The following KMT2C variants were observed in gnomAD, a reference collection of about 807,000 sequenced individuals.
The protein encoded by KMT2C is histone-lysine N-methyltransferase 2C.
Under a neutral mutation model 507.9 loss-of-function variants are expected in KMT2C, and 88 were observed. That is an observed-to-expected ratio of 0.17 (90% CI 0.15 to 0.21). The LOEUF is 0.21. Ranked by LOEUF, KMT2C falls within the 10% of genes least tolerant of loss-of-function variation. The probability of loss-of-function intolerance (pLI) is 1.00; values close to 1 mark genes in which losing one functional copy is unlikely to be tolerated. For missense variants in KMT2C, 4,954 were observed against 5,957.8 expected (o/e 0.83, Z 5.55); for synonymous variants, 2,049 against 2,080.8 (o/e 0.98, Z 0.42).
At chr7:152,235,605 G>C (rs1219397650) in intron 16 of KMT2C, among the ~76,000 whole-genome samples, 21 of 99,178 alleles carry the variant, frequency 2.1e-4, no homozygotes, top group Non-Finnish European at 9.4e-5. Context: ...GAAAGATAAG[G>C]AGTCAAAGAG....
intron 25 of KMT2C, among the ~76,000 whole-genome samples, chr7:152,204,855 T>C (rs1380543409): frequency 6.6e-6 from 1 of 151,970 alleles, no homozygotes; most frequent in Non-Finnish European, 1.5e-5. Flanking sequence ...TCAAAAAATC[T>C]CAAAAGAATA....
chr7:152,143,091 G>C (rs567544071), intron 55 of KMT2C, among the ~76,000 whole-genome samples: 1 of 152,186 alleles, frequency 6.6e-6, no homozygotes, highest in South Asian at 2.1e-4. Context: ...AACACGAATG[G>C]GTATAAGAGT....
intron 6 of KMT2C, among the ~76,000 whole-genome samples, chr7:152,306,170 G>A (rs1986375): frequency 0.03 from 4,496 of 152,108 alleles, 225 homozygotes; most frequent in African/African-American, 0.1. Flanking sequence ...AGTTACTTAG[G>A]TGAGTTCTTT....
intron 18 of KMT2C, among the ~76,000 whole-genome samples, chr7:152,228,055 G>T (rs1588399104): frequency 6.6e-6 from 1 of 152,278 alleles, no homozygotes; most frequent in East Asian, 1.9e-4. Context: ...GATTTAATTT[G>T]CCTTTTTTCA....
intron 44 of KMT2C, among the ~76,000 whole-genome samples, chr7:152,156,599 AAG>A (rs1248387728): frequency 3.3e-5 from 5 of 152,220 alleles, no homozygotes; most frequent in African/African-American, 1.2e-4. Flanking sequence ...TGAAATTAAG[AAG>A]CTAATTTCCT....
At position 152,181,566 on chromosome 7, in the gene KMT2C, G is replaced by T; in HGVS notation, c.6294C>A (p.Pro2098=). The T allele has an allele frequency of 6.2e-7, 1 of 1,614,016 alleles. No homozygotes were observed. The highest frequency in any genetic ancestry group is 8.5e-7 in the Non-Finnish European group (1 of 1,180,002). ...CATTCACTGCTGGATGTGGGGTAAG[G>T]GGAGGCTGACTATATGGATCATTTG... The part of the protein sequence containing the change: ...NQSNDPYSQP[P]LTPHPAVNES... Residue 2098 remains proline (P), a synonymous_variant, in exon 36 of 59, where the codon CCC becomes CCA. Coordinates refer to ENST00000262189, the MANE Select transcript of KMT2C (RefSeq NM_170606.3).
At chr7:152,169,568 TA>T (rs552660707) in intron 40 of KMT2C, among the ~76,000 whole-genome samples, 1 of 152,326 alleles carries the variant, frequency 6.6e-6, no homozygotes, top group African/African-American at 2.4e-5. Flanking sequence ...GAGATCTATA[TA>T]AAAAATCTCA....
At chr7:152,153,976 C>CT (rs749754818) in intron 48 of KMT2C, 34 bp downstream of exon 48, 3 of 1,606,136 alleles carry the variant, frequency 1.9e-6, no homozygotes, top group Non-Finnish European at 2.6e-6. Context: ...TGGGGACATA[C>CT]TGTTTAACAT....
chr7:152,321,713 G>A (rs1366941697), intron 3 of KMT2C, among the ~76,000 whole-genome samples: 3 of 151,800 alleles, frequency 2.0e-5, no homozygotes, highest in Non-Finnish European at 4.4e-5. Context: ...ATTTCAACCA[G>A]GGAGGTAAAA....
At position 152,167,385 on chromosome 7, in the gene KMT2C, A is replaced by T. The variant is rs770745745; in HGVS notation, c.9518-7T>A. 5.7e-6 allele frequency: 9 copies of T among 1,574,552 alleles called. No homozygotes were observed. Among genetic ancestry groups the T allele is most frequent in the South Asian group, 5.6e-5 (5 of 88,910 alleles). ...TGCTTACGCTGTGAATCATCTGAGG[A>T]AAAATTAAAATTCAGTTGTGTTAAT... On this transcript the variant is annotated splice_polypyrimidine_tract_variant and splice_region_variant and intron_variant, in intron 41 of 58. Coordinates refer to ENST00000262189, the MANE Select transcript of KMT2C (RefSeq NM_170606.3).
At chr7:152,215,500 CAAGACTCTGTCTCAAAAAAAAAAAAA>C (rs2094552091) in intron 23 of KMT2C, among the ~76,000 whole-genome samples, 1 of 99,086 alleles carries the variant, frequency 1.0e-5, no homozygotes, top group Non-Finnish European at 1.8e-5. Context: ...GGCGACACAG[CAAGACTCTGTCTCAAAAAAAAAAAAA>C]AAAAAAAAAA....
intron 2 of KMT2C, among the ~76,000 whole-genome samples, chr7:152,354,640 G>A (rs569014577): frequency 2.0e-5 from 3 of 152,258 alleles, no homozygotes; most frequent in South Asian, 4.1e-4. Flanking sequence ...CTGAAGTAAG[G>A]GAATAAGCTG....
chr7:152,154,829 A>T (rs1268009781), intron 46 of KMT2C: 2 of 162,618 alleles, frequency 1.2e-5, no homozygotes, highest in Admixed American at 6.2e-5. Context: ...ATTTAACAAT[A>T]AAAAAGGAAA....
chr7:152,408,295 GAA>G (rs33974798), intron 1 of KMT2C, among the ~76,000 whole-genome samples: 4 of 137,470 alleles, frequency 2.9e-5, no homozygotes, highest in African/African-American at 1.1e-4. Context: ...CTCAAAAAAA[GAA>G]AAAAAAAAAT....
At chr7:152,347,079 G>A (rs1363580729) in intron 2 of KMT2C, among the ~76,000 whole-genome samples, 2 of 152,120 alleles carry the variant, frequency 1.3e-5, no homozygotes, top group Non-Finnish European at 2.9e-5. Context: ...AGCCAAGATC[G>A]TGCCACTGCA....
At chr7:152,172,824 G>A (rs1353601830) in intron 39 of KMT2C, among the ~76,000 whole-genome samples, 1 of 152,168 alleles carries the variant, frequency 6.6e-6, no homozygotes, top group African/African-American at 2.4e-5. Context: ...CCTATCGAGT[G>A]TTGCAGGCAC....
At chr7:152,317,858 A>C (rs964402818) in intron 3 of KMT2C, among the ~76,000 whole-genome samples, 1 of 152,128 alleles carries the variant, frequency 6.6e-6, no homozygotes, top group Non-Finnish European at 1.5e-5. Flanking sequence ...AAAGAAAAAG[A>C]GGATGGGCAT....
intron 1 of KMT2C, among the ~76,000 whole-genome samples, chr7:152,418,928 T>C (rs186352317): frequency 2.0e-5 from 3 of 151,256 alleles, no homozygotes; most frequent in East Asian, 1.9e-4. Flanking sequence ...GTGTGGTAGC[T>C]GATGTCTATA....
At position 152,207,408 on chromosome 7, in the gene KMT2C, C is replaced by G. The variant is rs1314267968; in HGVS notation, c.3733G>C (p.Asp1245His). 36 of 1,601,050 alleles carry G rather than the reference C, an allele frequency of 2.2e-5. No individual in the cohort carries two copies. The highest frequency in any genetic ancestry group is 3.0e-5 in the Non-Finnish European group (35 of 1,175,720). Residue 1245 changes from aspartate to histidine, a missense_variant, in exon 24 of 59, where the codon GAT becomes CAT. Transcript: ENST00000262189. Reference sequence around the variant, plus strand: ...TCAGGACTAGATTCTGATTTTCCATCACAATCCATAAGTTCTCCTTCTGGA... The same window carrying G: ...TCAGGACTAGATTCTGATTTTCCATGACAATCCATAAGTTCTCCTTCTGGA... ...DSREGELMDC[D>H]GKSESSPERE...
Sources: gnomAD v4.1 joint callset for allele counts (sites outside exome capture counted in the v4.1 genomes callset) on GRCh38, gnomAD v4.1.1 for gene constraint, MANE v1.5 for transcripts, NCBI Gene and HGNC (gene_info 2026-07-23, HGNC 2026-07-21) for gene names.